Variants in ANKS1B observed in about 807,000 individuals in gnomAD.
ANKS1B encodes ankyrin repeat and sterile alpha motif domain containing 1B.
A neutral mutation model predicts 148.3 loss-of-function variants in ANKS1B; 36 were observed. The ratio of observed to expected loss-of-function variants is 0.24; its 90% CI spans 0.19 to 0.32. ANKS1B has a LOEUF of 0.32. Ranked by LOEUF, ANKS1B falls within the 10% of genes least tolerant of loss-of-function variation. ANKS1B has a pLI of 1.00. For synonymous variants in ANKS1B, 542 were observed against 560.8 expected (o/e 0.97, Z 0.47); for missense variants, 1,157 against 1,542.6 (o/e 0.75, Z 4.19).
intron 8 of ANKS1B, among the ~76,000 whole-genome samples, chr12:99,718,207 C>T (rs1253032841): frequency 6.6e-6 from 1 of 152,222 alleles, no homozygotes; most frequent in Admixed American, 6.5e-5. Context: ...GCCGACAATA[C>T]TCTTTTAAGC....
intron 17 of ANKS1B, among the ~76,000 whole-genome samples, chr12:98,880,060 T>C (rs973843566): frequency 6.6e-6 from 1 of 152,162 alleles, no homozygotes; most frequent in African/African-American, 2.4e-5. Flanking sequence ...AACAGAACTA[T>C]CTCCAATGCT....
At chr12:99,652,127 A>G (rs2098424306) in intron 9 of ANKS1B, among the ~76,000 whole-genome samples, 2 of 151,832 alleles carry the variant, frequency 1.3e-5, no homozygotes, top group Admixed American at 1.3e-4. Context: ...GCTAAAGGAT[A>G]GCCCTTAAAC....
chr12:98,979,141 C>CA (rs2099904363), intron 17 of ANKS1B, among the ~76,000 whole-genome samples: 2 of 150,050 alleles, frequency 1.3e-5, no homozygotes, highest in South Asian at 4.2e-4. Context: ...GACTCTGTCT[C>CA]AAAAAAAAGA....
chr12:99,227,167 A>G (rs577811523), intron 14 of ANKS1B, among the ~76,000 whole-genome samples: 1 of 152,224 alleles, frequency 6.6e-6, no homozygotes, highest in South Asian at 2.1e-4. Flanking sequence ...ATGGTTTACC[A>G]TCATCCCCTT....
chr12:99,340,940 AAT>A (rs544833481), intron 12 of ANKS1B, among the ~76,000 whole-genome samples: 3 of 152,098 alleles, frequency 2.0e-5, no homozygotes, highest in Non-Finnish European at 4.4e-5. Context: ...GATTTATCTC[AAT>A]ATATATATTT....
At chr12:99,461,230 G>A (rs561679329) in intron 10 of ANKS1B, among the ~76,000 whole-genome samples, 1 of 152,190 alleles carries the variant, frequency 6.6e-6, no homozygotes. Flanking sequence ...ATGCTATGAG[G>A]ATGCAAAGGC....
chr12:98,855,365 A>G (rs1250065846), intron 17 of ANKS1B, among the ~76,000 whole-genome samples: 1 of 152,216 alleles, frequency 6.6e-6, no homozygotes, highest in African/African-American at 2.4e-5. Context: ...TTCTGGTGGT[A>G]TATTTTGCTG....
intron 12 of ANKS1B, among the ~76,000 whole-genome samples, chr12:99,312,018 C>T (rs2083250600): frequency 6.6e-6 from 1 of 152,048 alleles, no homozygotes; most frequent in African/African-American, 2.4e-5. Flanking sequence ...AGAGTGTACT[C>T]GAAGCATTTG....
intron 9 of ANKS1B, among the ~76,000 whole-genome samples, chr12:99,558,036 G>C (rs1197903343): frequency 6.6e-6 from 1 of 152,120 alleles, no homozygotes; most frequent in East Asian, 1.9e-4. Context: ...TGTGGTGGAG[G>C]GGCCGAGGTA....
rs183361897 is a variant in ANKS1B at position 99,742,230 on chromosome 12, C to T, written c.1128+30692G>A. ...TAAGTTTAGCTATGTAACAAACCTG[C>T]ACATGTACCCCTGAACTTAAAAGAA... On this transcript the variant is annotated intron_variant, in intron 8 of 26. Transcript: ENST00000683438. Among the ~76,000 whole-genome samples the T allele has an allele frequency of 1.2e-3, 181 of 150,594 alleles. 1 individual carries two copies. The highest frequency in any genetic ancestry group is 4.4e-3 in the African/African-American group (179 of 41,066).
At chr12:98,844,864 AT>A (rs552100617) in intron 17 of ANKS1B, among the ~76,000 whole-genome samples, 20 of 152,346 alleles carry the variant, frequency 1.3e-4, no homozygotes, top group African/African-American at 4.6e-4. Flanking sequence ...ACTGTGAAAA[AT>A]ATTTAATATA....
At chr12:99,817,009 T>C (rs2069273359) in intron 2 of ANKS1B, among the ~76,000 whole-genome samples, 1 of 151,658 alleles carries the variant, frequency 6.6e-6, no homozygotes, top group South Asian at 2.1e-4. Flanking sequence ...CCTCAAAGGT[T>C]TATCTTTTTT....
At chr12:98,941,645 A>G (rs1310454253) in intron 17 of ANKS1B, among the ~76,000 whole-genome samples, 2 of 152,206 alleles carry the variant, frequency 1.3e-5, no homozygotes, top group Non-Finnish European at 2.9e-5. Flanking sequence ...ATGTCCTTAA[A>G]ACAAAAAAAA....
chr12:99,803,280 C>CCG (rs1567877323), intron 4 of ANKS1B, among the ~76,000 whole-genome samples: 1 of 135,416 alleles, frequency 7.4e-6, no homozygotes, highest in Non-Finnish European at 1.6e-5. Context: ...TATTCACCCC[C>CCG]CCCCAAAAAA....
In ANKS1B at chr12:98,985,915, G is replaced by A. The variant is rs568466724; in HGVS notation, c.2778+67242C>T. Among the ~76,000 whole-genome samples, 3 of 152,214 alleles carry A rather than the reference G, an allele frequency of 2.0e-5. No homozygotes were observed. The South Asian group carries it at 6.2e-4, about 32-fold the overall frequency. On this transcript the variant is annotated intron_variant, in intron 17 of 26. Coordinates refer to ENST00000683438, the MANE Select transcript of ANKS1B (RefSeq NM_001352186.2). Reference sequence around the variant, plus strand: ...TCCCTCTAATGTTTCATTTAGCACAGATCTGCCATCAATTCATGTTCTCTG... The same window carrying A: ...TCCCTCTAATGTTTCATTTAGCACAAATCTGCCATCAATTCATGTTCTCTG...
intron 17 of ANKS1B, among the ~76,000 whole-genome samples, chr12:98,983,514 A>G (rs113596376): frequency 5.5e-4 from 84 of 152,354 alleles, no homozygotes; most frequent in African/African-American, 2.0e-3. Context: ...ATAATGCACC[A>G]TAGTCACAAG....
chr12:99,852,506 C>A, intron 1 of ANKS1B, among the ~76,000 whole-genome samples: 1 of 152,106 alleles, frequency 6.6e-6, no homozygotes, highest in East Asian at 1.9e-4. Context: ...AATTAGTTTC[C>A]AGCATTTCTC....
Position 98,794,961 on chromosome 12 carries a change from T to C in ANKS1B, c.3342+3973A>G, listed in dbSNP as rs2098934520. 1.0e-5 allele frequency: 12 copies of C among 1,166,266 alleles called. No individual in the cohort carries two copies. In the East Asian group the frequency reaches 2.1e-4, roughly 20 times the overall value. 72.2% of individuals were successfully genotyped at this position (1,166,266 alleles called of 1,614,324 possible). A position where few individuals can be genotyped will look rare whatever the true frequency, so the allele number is the denominator to read the frequency against. On this transcript the variant is annotated intron_variant, in intron 22 of 26. Coordinates refer to ENST00000683438, the MANE Select transcript of ANKS1B (RefSeq NM_001352186.2). ...TACAAGAGGATGTGGACATGGAAGA[T>C]GCTTCTTAAAAATCTCTGTAACCAT...
intron 1 of ANKS1B, among the ~76,000 whole-genome samples, chr12:99,911,934 G>A (rs1280789620): frequency 6.6e-6 from 1 of 152,102 alleles, no homozygotes; most frequent in African/African-American, 2.4e-5. Flanking sequence ...AATACATTTA[G>A]ATATATAAAT....
Sources: gnomAD v4.1 joint callset for allele counts (sites outside exome capture counted in the v4.1 genomes callset) on GRCh38, gnomAD v4.1.1 for gene constraint, MANE v1.5 for transcripts, NCBI Gene and HGNC (gene_info 2026-07-23, HGNC 2026-07-21) for gene names.